The following SHROOM3 variants were observed in gnomAD, a reference collection of about 807,000 sequenced individuals.
The protein encoded by SHROOM3 is protein Shroom3.
SHROOM3 carries 47 observed loss-of-function variants against 138.6 expected under a neutral mutation model. That is an observed-to-expected ratio of 0.34 (90% CI 0.27 to 0.43). SHROOM3 has a LOEUF of 0.43. Ranked by LOEUF, SHROOM3 falls within the 20% of genes least tolerant of loss-of-function variation. The probability of loss-of-function intolerance (pLI) is 1.00; values close to 1 mark genes in which losing one functional copy is unlikely to be tolerated. For missense variants in SHROOM3, 2,491 were observed against 2,596.5 expected, an observed-to-expected ratio of 0.96 and a Z score of 0.88; for synonymous variants, 1,062 against 1,063.3, an observed-to-expected ratio of 1.00 and a Z score of 0.02.
intron 2 of SHROOM3, among the ~76,000 whole-genome samples, chr4:76,576,873 T>A (rs952127165): frequency 1.3e-5 from 2 of 151,992 alleles, no homozygotes; most frequent in Non-Finnish European, 2.9e-5. Flanking sequence ...TTAAATTAAA[T>A]TTTTAAAAAT....
intron 1 of SHROOM3, among the ~76,000 whole-genome samples, chr4:76,541,222 T>G (rs1309200277): frequency 6.6e-6 from 1 of 152,156 alleles, no homozygotes; most frequent in Admixed American, 6.5e-5. Context: ...GTCTAAGGAA[T>G]GAAAAGATTA....
chr4:76,775,321 G>GGT (rs57294282), intron 10 of SHROOM3, among the ~76,000 whole-genome samples: 2,644 of 149,196 alleles, frequency 0.018, 41 homozygotes, highest in African/African-American at 0.037. Flanking sequence ...TAGTCCATGG[G>GGT]GTGTGTGTGT....
At chr4:76,514,363 C>A (rs1732401684) in intron 1 of SHROOM3, among the ~76,000 whole-genome samples, 1 of 152,014 alleles carries the variant, frequency 6.6e-6, no homozygotes, top group East Asian at 1.9e-4. Flanking sequence ...TGTGGAGAAA[C>A]CTTAAAAAAC....
intron 3 of SHROOM3, among the ~76,000 whole-genome samples, chr4:76,727,650 G>A (rs1209111706): frequency 6.6e-6 from 1 of 152,178 alleles, no homozygotes; most frequent in Non-Finnish European, 1.5e-5. Flanking sequence ...AGCACCTTGG[G>A]AGGCCAAAGT....
At chr4:76,569,772 C>T (rs1189991583) in intron 2 of SHROOM3, among the ~76,000 whole-genome samples, 5 of 151,712 alleles carry the variant, frequency 3.3e-5, no homozygotes, top group Admixed American at 1.3e-4. Flanking sequence ...CTATTTAACT[C>T]GCAAATCCTT....
intron 9 of SHROOM3, among the ~76,000 whole-genome samples, chr4:76,767,813 CAA>C (rs1409287238): frequency 6.6e-6 from 1 of 151,858 alleles, no homozygotes; most frequent in Non-Finnish European, 1.5e-5. Flanking sequence ...ATACTAGTTT[CAA>C]AAAAAGTCAT....
Position 76,436,082 on chromosome 4 carries a change from G to T in SHROOM3, c.30G>T (p.Lys10Asn), listed in dbSNP as rs1230373338. The stretch of plus-strand genomic sequence containing the variant: ...TGAGGACCACTGAAGACTTCCACAA[G>T]CCTAGTGCCACATTAAACTCTAACA... Reference protein sequence around the residue: MMRTTEDFHKPSATLNSNTA... With the variant: MMRTTEDFHNPSATLNSNTA... Residue 10 changes from lysine to asparagine, a missense_variant, in exon 1 of 11, where the codon AAG becomes AAT. By Grantham distance (94) the Lys-to-Asn change is moderately conservative. This residue lies in a region of SHROOM3 where 284 missense variants were observed against 322.8 expected (regional missense o/e 0.88). Coordinates refer to ENST00000296043, the MANE Select transcript of SHROOM3 (RefSeq NM_020859.4). The T allele has an allele frequency of 6.2e-7, 1 of 1,613,854 alleles. No homozygotes were observed. Among genetic ancestry groups the T allele is most frequent in the Non-Finnish European group, 8.5e-7 (1 of 1,179,922 alleles).
chr4:76,436,689 CAGAA>C (rs1176957973), intron 1 of SHROOM3, among the ~76,000 whole-genome samples: 9 of 152,290 alleles, frequency 5.9e-5, no homozygotes, highest in African/African-American at 2.2e-4. Context: ...TCCCCACACT[CAGAA>C]AGGAGAATTA....
chr4:76,442,067 G>T (rs1730703224), intron 1 of SHROOM3, among the ~76,000 whole-genome samples: 1 of 152,192 alleles, frequency 6.6e-6, no homozygotes, highest in Non-Finnish European at 1.5e-5. Flanking sequence ...TCCTATAAAG[G>T]TAGTTGTTTG....
intron 10 of SHROOM3, among the ~76,000 whole-genome samples, chr4:76,776,868 CT>C (rs1266292447): frequency 6.6e-6 from 1 of 152,056 alleles, no homozygotes; most frequent in Non-Finnish European, 1.5e-5. Context: ...CCTTTCTTCA[CT>C]TTGTTTTTGT....
At chr4:76,657,961 G>A (rs1736100814) in intron 2 of SHROOM3, among the ~76,000 whole-genome samples, 1 of 152,152 alleles carries the variant, frequency 6.6e-6, no homozygotes, top group Non-Finnish European at 1.5e-5. Flanking sequence ...ACGTTCATTG[G>A]GCTGTTGGGA....
intron 1 of SHROOM3, among the ~76,000 whole-genome samples, chr4:76,503,430 A>G (rs1732142285): frequency 6.6e-6 from 1 of 151,752 alleles, no homozygotes; most frequent in Non-Finnish European, 1.5e-5. Flanking sequence ...TGTTGCTATT[A>G]TATATATATA....
At chr4:76,738,687 A>T (rs908377682) in intron 4 of SHROOM3, 74 bp from the exon 5 acceptor site, 3 of 1,551,820 alleles carry the variant, frequency 1.9e-6, no homozygotes, top group Non-Finnish European at 1.8e-6. Context: ...AACATTTATA[A>T]GCTGGGTCCT....
chr4:76,659,248 G>A (rs544001772), intron 2 of SHROOM3, among the ~76,000 whole-genome samples: 3 of 152,256 alleles, frequency 2.0e-5, no homozygotes, highest in Admixed American at 6.5e-5. Flanking sequence ...TCACTAGAGA[G>A]CCTCAAGTGG....
chr4:76,454,107 C>T (rs1049216514), intron 1 of SHROOM3, among the ~76,000 whole-genome samples: 3 of 151,950 alleles, frequency 2.0e-5, no homozygotes, highest in Admixed American at 6.6e-5. Context: ...GCAGTGGCAC[C>T]GTCTCAGCTC....
intron 2 of SHROOM3, among the ~76,000 whole-genome samples, chr4:76,620,255 G>C (rs909154810): frequency 6.6e-6 from 1 of 151,996 alleles, no homozygotes; most frequent in Non-Finnish European, 1.5e-5. Context: ...TGATGATTTT[G>C]GTCTTGGAGA....
At chr4:76,619,893 C>G (rs1361556509) in intron 2 of SHROOM3, among the ~76,000 whole-genome samples, 1 of 151,854 alleles carries the variant, frequency 6.6e-6, no homozygotes. Flanking sequence ...AAAACCCTGT[C>G]TCTACTAAAA....
intron 2 of SHROOM3, among the ~76,000 whole-genome samples, chr4:76,659,684 C>T (rs1248216490): frequency 6.6e-6 from 1 of 152,012 alleles, no homozygotes; most frequent in Non-Finnish European, 1.5e-5. Flanking sequence ...CAGGTTCAAG[C>T]GATTCTCCTG....
At chr4:76,608,497 G>A (rs72868159) in intron 2 of SHROOM3, among the ~76,000 whole-genome samples, 26,171 of 149,596 alleles carry the variant, frequency 0.17, 2,301 homozygotes, top group East Asian at 0.28. Flanking sequence ...TATACTCTCC[G>A]GAAAGCTGAT....
Sources: gnomAD v4.1 joint callset for allele counts (sites outside exome capture counted in the v4.1 genomes callset) on GRCh38, gnomAD v4.1.1 for gene constraint, gnomAD v4.1.1 regional missense constraint, MANE v1.5 for transcripts, NCBI Gene and HGNC (gene_info 2026-07-23, HGNC 2026-07-21) for gene names.